E2F3: variants seen among roughly 807,000 people sequenced by gnomAD.
The protein encoded by E2F3 is E2F transcription factor 3.
Under a neutral mutation model 44.4 loss-of-function variants are expected in E2F3, and 11 were observed. That is an observed-to-expected ratio of 0.25 (90% CI 0.16 to 0.41). The LOEUF (loss-of-function observed/expected upper bound fraction) is 0.41, where lower values mean the gene tolerates loss of function less well. Ranked by LOEUF, E2F3 falls within the 10% of genes least tolerant of loss-of-function variation. The probability of loss-of-function intolerance (pLI) is 1.00; values close to 1 mark genes in which losing one functional copy is unlikely to be tolerated. For missense variants in E2F3, 487 were observed against 583.6 expected (o/e 0.83, Z 1.70); for synonymous variants, 249 against 253.0 (o/e 0.98, Z 0.15).
rs1459293870 is a variant in E2F3, at chr6:20,490,532, A to G, written c.*102A>G. ...TCCCTTCCTACCTTCTTCCTCCAAG[A>G]GAGTATCATGAAGTAAACTACAAAC... On this transcript the variant is annotated 3_prime_UTR_variant, in exon 7 of 7. Coordinates refer to ENST00000346618, the MANE Select transcript of E2F3 (RefSeq NM_001949.5). This position sits in a 1 kb window ranked among gnomAD's most constrained non-coding sequence, Gnocchi z 4.3. The G allele has an allele frequency of 8.2e-7, 1 of 1,226,558 alleles. No individual in the cohort carries two copies. Among genetic ancestry groups the G allele is most frequent in the Non-Finnish European group, 1.1e-6 (1 of 907,416 alleles). The allele number at this position is 1,226,558 out of a possible 1,614,324, so 76.0% of individuals were successfully genotyped here.
chr6:20,478,030 CAA>C (rs34033254), intron 1 of E2F3, among the ~76,000 whole-genome samples: 4,827 of 142,408 alleles, frequency 0.034, 245 homozygotes, highest in African/African-American at 0.11. Flanking sequence ...CATCTCTACC[CAA>C]AAAAAAAAAA....
At chr6:20,489,452 A>G (rs1460505819) in intron 6 of E2F3, among the ~76,000 whole-genome samples, 1 of 151,792 alleles carries the variant, frequency 6.6e-6, no homozygotes, top group Non-Finnish European at 1.5e-5. Flanking sequence ...AGCGTAGACA[A>G]CATAGCAAGA....
chr6:20,452,222 C>G (rs1761154441), intron 1 of E2F3: 1 of 152,122 alleles, frequency 6.6e-6, no homozygotes, highest in Non-Finnish European at 1.5e-5. Flanking sequence ...ATTGCTGATT[C>G]AATTTCAGAG....
intron 1 of E2F3, among the ~76,000 whole-genome samples, chr6:20,416,707 G>A (rs749139027): frequency 1.3e-5 from 2 of 152,136 alleles, no homozygotes; most frequent in Non-Finnish European, 2.9e-5. Context: ...GTGAATCAGT[G>A]TTTGGGAAAA....
intron 1 of E2F3, among the ~76,000 whole-genome samples, chr6:20,462,879 T>A (rs1465218505): frequency 5.3e-5 from 6 of 113,144 alleles, no homozygotes; most frequent in Admixed American, 1.8e-4. Context: ...TTTTTTTTTT[T>A]TTTTTTTTTT....
chr6:20,409,877 G>T (rs578220528), intron 1 of E2F3, among the ~76,000 whole-genome samples: 34 of 152,244 alleles, frequency 2.2e-4, no homozygotes, highest in Non-Finnish European at 4.3e-4. Context: ...CCAGAAAGGT[G>T]CCCAGTGTAG....
At chr6:20,455,623 G>A (rs900761506) in intron 1 of E2F3, among the ~76,000 whole-genome samples, 2 of 152,192 alleles carry the variant, frequency 1.3e-5, no homozygotes, top group African/African-American at 4.8e-5. Flanking sequence ...TGAAGAGAGA[G>A]TCGAAGATTA....
At chr6:20,406,443 G>A (rs1482784451) in intron 1 of E2F3, among the ~76,000 whole-genome samples, 3 of 152,170 alleles carry the variant, frequency 2.0e-5, no homozygotes, top group East Asian at 3.8e-4. Context: ...TTCTGACTTA[G>A]TGAAATAGTG....
Position 20,402,814 on chromosome 6 carries a change from G to C in E2F3, c.393+189G>C, listed in dbSNP as rs1759352367. Among the ~76,000 whole-genome samples, 1 of 152,130 alleles carries C rather than the reference G, an allele frequency of 6.6e-6. No homozygotes were observed. The highest frequency in any genetic ancestry group is 1.5e-5 in the Non-Finnish European group (1 of 68,002). ...TCTTCCCGGCGCCAGGAGGGTCGGG[G>C]GGCTCGGCCAGGCGCGCGGGGCGGC... On this transcript the variant is annotated intron_variant, in intron 1 of 6. Coordinates refer to ENST00000346618, the MANE Select transcript of E2F3 (RefSeq NM_001949.5). This position sits in a 1 kb window ranked among gnomAD's most constrained non-coding sequence, Gnocchi z 5.6.
At chr6:20,420,809 A>T (rs1305179872) in intron 1 of E2F3, among the ~76,000 whole-genome samples, 1 of 152,218 alleles carries the variant, frequency 6.6e-6, no homozygotes. Flanking sequence ...ATTTCTTCAC[A>T]TAAGAAAAAA....
chr6:20,472,383 G>A (rs1013566917), intron 1 of E2F3, among the ~76,000 whole-genome samples: 9 of 152,134 alleles, frequency 5.9e-5, no homozygotes, highest in Non-Finnish European at 1.3e-4. Flanking sequence ...TGCATAGACT[G>A]AGGTTCAAAT....
chr6:20,403,719 G>C, intron 1 of E2F3: 2 of 1,037,874 alleles, frequency 1.9e-6, no homozygotes, highest in African/African-American at 1.7e-5. Context: ...CCCCACCGGC[G>C]CCCGCCCTCG....
At position 20,491,984 on chromosome 6, in the gene E2F3, T is replaced by A. The variant is rs1762565510; in HGVS notation, c.*1554T>A. On this transcript the variant is annotated 3_prime_UTR_variant, in exon 7 of 7. Coordinates refer to ENST00000346618, the MANE Select transcript of E2F3 (RefSeq NM_001949.5). ...CCCACTGGGAATATGGCGTAGTATC[T>A]CCGGTCCATTCCTTGGATGCTAAGG... 5.4e-6 allele frequency: 1 copy of A among 186,698 alleles called. No homozygotes were observed. Among genetic ancestry groups the A allele is most frequent in the African/African-American group, 2.3e-5 (1 of 42,710 alleles). The allele number at this position is 186,698 out of a possible 1,614,324, so 11.6% of individuals were successfully genotyped here.
chr6:20,469,438 C>G (rs986675619), intron 1 of E2F3, among the ~76,000 whole-genome samples: 2 of 152,128 alleles, frequency 1.3e-5, no homozygotes, highest in Non-Finnish European at 2.9e-5. Context: ...ATTATAGGCT[C>G]TCTGAGCTAG....
intron 1 of E2F3, among the ~76,000 whole-genome samples, chr6:20,412,526 G>A (rs1396934974): frequency 6.6e-6 from 1 of 152,122 alleles, no homozygotes; most frequent in African/African-American, 2.4e-5. Context: ...CATCAGTATG[G>A]GGAGATAACA....
intron 5 of E2F3, 103 bp downstream of exon 5, chr6:20,486,906 C>A: frequency 1.5e-6 from 1 of 680,596 alleles, no homozygotes; most frequent in Non-Finnish European, 2.5e-6. Flanking sequence ...CTCCTATGAA[C>A]TTGATGGTTC....
chr6:20,402,920 C>A lies in E2F3; in HGVS notation c.393+295C>A, dbSNP rs1759356594. Among the ~76,000 whole-genome samples, 1 of 152,172 alleles carries A rather than the reference C, an allele frequency of 6.6e-6. No individual in the cohort carries two copies. Among genetic ancestry groups the A allele is most frequent in the Non-Finnish European group, 1.5e-5 (1 of 68,026 alleles). On this transcript the variant is annotated intron_variant, in intron 1 of 6. Transcript: ENST00000346618. The surrounding 1 kb of genome is among the most constrained non-coding windows in gnomAD (Gnocchi z 5.6). The stretch of plus-strand genomic sequence containing the variant: ...CCTTCTTTTCCTGCACTTTTCCCTA[C>A]CCCCACTCTCCCTTCCCCTCCAACT...
intron 3 of E2F3, 38 bp downstream of exon 3, chr6:20,481,463 G>T (rs539269037): frequency 6.0e-5 from 95 of 1,595,608 alleles, no homozygotes; most frequent in Middle Eastern, 5.0e-4. Flanking sequence ...GCTCTGAGGG[G>T]GTCGTTTCAA....
At chr6:20,413,526 G>A (rs1454653640) in intron 1 of E2F3, among the ~76,000 whole-genome samples, 1 of 152,192 alleles carries the variant, frequency 6.6e-6, no homozygotes, top group Non-Finnish European at 1.5e-5. Context: ...ACCATACAAA[G>A]ATGGGTCTCC....
Sources: gnomAD v4.1 joint callset for allele counts (sites outside exome capture counted in the v4.1 genomes callset) on GRCh38, gnomAD v4.1.1 for gene constraint, Gnocchi (gnomAD v3.1) non-coding constraint, MANE v1.5 for transcripts, NCBI Gene and HGNC (gene_info 2026-07-23, HGNC 2026-07-21) for gene names.